Variants in CASK observed in about 807,000 individuals in gnomAD.
CASK encodes the protein peripheral plasma membrane protein CASK.
A neutral mutation model predicts 82.9 loss-of-function variants in CASK; 4 were observed. That is an observed-to-expected ratio of 0.05 (90% CI 0.02 to 0.11). The LOEUF (loss-of-function observed/expected upper bound fraction) is 0.11. Ranked by LOEUF, CASK falls within the 10% of genes least tolerant of loss-of-function variation. The pLI, the probability that CASK is intolerant of heterozygous loss-of-function variation, is 1.00. For missense variants in CASK, 358 were observed against 720.9 expected (o/e 0.50, Z 5.76); for synonymous variants, 259 against 253.5 (o/e 1.02, Z -0.20).
intron 2 of CASK, among the ~76,000 whole-genome samples, chrX:41,836,055 G>C (rs1014059429): frequency 9.0e-6 from 1 of 111,116 alleles, no homozygotes; most frequent in Non-Finnish European, 1.9e-5. Flanking sequence ...AAAACCATTA[G>C]GAAAAACAGC....
At position 41,523,741 on chromosome X, in the gene CASK, G is replaced by A. The variant is rs755946752; in HGVS notation, c.2604+210C>T. The stretch of plus-strand genomic sequence containing the variant: ...GCCCTGGAGGTTGTGAGACACCTGG[G>A]ATGCCTCGGTCCTGGTGGGAGTGAG... On this transcript the variant is annotated intron_variant, in intron 26 of 26. Transcript: ENST00000378163. Among the ~76,000 whole-genome samples the A allele has an allele frequency of 4.3e-3, 482 of 112,239 alleles. 3 individuals carry two copies. The highest frequency in any genetic ancestry group is 0.015 in the African/African-American group (462 of 30,871).
intron 3 of CASK, among the ~76,000 whole-genome samples, chrX:41,760,072 T>C (rs1169231564): frequency 2.7e-5 from 3 of 112,064 alleles, no homozygotes; most frequent in Non-Finnish European, 5.6e-5. Context: ...TAAGACGACC[T>C]CTGGATTTGT....
At chrX:41,737,000 T>A (rs1182128534) in intron 5 of CASK, among the ~76,000 whole-genome samples, 1 of 112,412 alleles carries the variant, frequency 8.9e-6, no homozygotes, top group African/African-American at 3.2e-5. Flanking sequence ...AAAATATGAA[T>A]CTATGTTTCT....
At chrX:41,662,802 C>A (rs2067057450) in intron 7 of CASK, among the ~76,000 whole-genome samples, 1 of 110,152 alleles carries the variant, frequency 9.1e-6, no homozygotes, top group African/African-American at 3.3e-5. Flanking sequence ...CAAAAAAGAA[C>A]CACCAAGGTG....
intron 3 of CASK, among the ~76,000 whole-genome samples, chrX:41,772,417 G>C (rs1277301238): frequency 9.3e-6 from 1 of 107,124 alleles, no homozygotes; most frequent in African/African-American, 3.4e-5. Flanking sequence ...AATAAAACTG[G>C]TAAATGTCTG....
chrX:41,582,507 G>A (rs2065595601), intron 14 of CASK, among the ~76,000 whole-genome samples: 1 of 110,506 alleles, frequency 9.0e-6, no homozygotes, highest in Non-Finnish European at 1.9e-5. Flanking sequence ...GTAGAGACAG[G>A]TTTCACCATG....
intron 2 of CASK, among the ~76,000 whole-genome samples, chrX:41,800,707 G>A (rs2069977636): frequency 9.4e-6 from 1 of 106,124 alleles, no homozygotes; most frequent in Non-Finnish European, 1.9e-5. Context: ...CTGTGTCCAT[G>A]TGTTCTCACT....
Position 41,692,038 on chromosome X carries a change from C to T in CASK, c.430-20508G>A, listed in dbSNP as rs367866703. Among the ~76,000 whole-genome samples, 12 of 110,753 alleles carry T rather than the reference C, an allele frequency of 1.1e-4. No individual in the cohort carries two copies. The East Asian group carries it at 2.3e-3, about 21-fold the overall frequency. On this transcript the variant is annotated intron_variant, in intron 5 of 26. Coordinates refer to ENST00000378163, the MANE Select transcript of CASK (RefSeq NM_001367721.1). ...TCTCCCAAAGTGTTGGGATTACAGG[C>T]GTGAGCCACTGTACCTGGCCAACCT...
intron 5 of CASK, among the ~76,000 whole-genome samples, chrX:41,686,839 T>C (rs912199131): frequency 3.6e-5 from 4 of 112,223 alleles, no homozygotes; most frequent in Admixed American, 9.5e-5. Context: ...AACAAGCGTA[T>C]ACATTTGTTC....
At chrX:41,849,933 C>T (rs1468842839) in intron 2 of CASK, among the ~76,000 whole-genome samples, 3 of 112,174 alleles carry the variant, frequency 2.7e-5, no homozygotes, top group East Asian at 2.8e-4. Context: ...AATCCCAACA[C>T]TTTGGGAGGC....
chrX:41,907,574 CTT>C (rs2072489309), intron 1 of CASK, among the ~76,000 whole-genome samples: 1 of 111,779 alleles, frequency 8.9e-6, no homozygotes, highest in Non-Finnish European at 1.9e-5. Context: ...GGAAGGCTAA[CTT>C]TTAAAACTCT....
intron 3 of CASK, among the ~76,000 whole-genome samples, chrX:41,752,094 A>G (rs1471647550): frequency 9.2e-6 from 1 of 108,990 alleles, no homozygotes; most frequent in African/African-American, 3.3e-5. Context: ...AAAAACCTCA[A>G]TGCTTACTAT....
At chrX:41,566,875 C>T (rs1467552491) in intron 16 of CASK, among the ~76,000 whole-genome samples, 5 of 111,450 alleles carry the variant, frequency 4.5e-5, no homozygotes, top group Admixed American at 9.5e-5. Flanking sequence ...GCATGGTACT[C>T]GTACCAAAAC....
chrX:41,919,029 T>G (rs751530065), intron 1 of CASK, among the ~76,000 whole-genome samples: 1 of 112,157 alleles, frequency 8.9e-6, no homozygotes, highest in South Asian at 3.7e-4. Flanking sequence ...CGGACAATAA[T>G]TGCTCTGAGG....
At chrX:41,787,665 C>G (rs2069639207) in intron 2 of CASK, among the ~76,000 whole-genome samples, 1 of 109,650 alleles carries the variant, frequency 9.1e-6, no homozygotes, top group Non-Finnish European at 1.9e-5. Context: ...ACTCAATTTA[C>G]TGTTTTGATT....
intron 3 of CASK, among the ~76,000 whole-genome samples, chrX:41,765,318 T>A (rs1602588351): frequency 1.8e-5 from 2 of 112,422 alleles, no homozygotes; most frequent in African/African-American, 6.5e-5. Context: ...CAGAGATTAG[T>A]CCTTTAAATC....
At position 41,612,389 on chromosome X, in the gene CASK, G is replaced by A. The variant is rs1417212722; in HGVS notation, c.1034-2364C>T. Reference sequence around the variant, plus strand: ...TGAGGAGACCCTCCGCCCGGCAACCGCCCCGTCTGAGAAGTGAGGAGCCCC... The same window carrying A: ...TGAGGAGACCCTCCGCCCGGCAACCACCCCGTCTGAGAAGTGAGGAGCCCC... On this transcript the variant is annotated intron_variant, in intron 11 of 26. Transcript: ENST00000378163. Among the ~76,000 whole-genome samples, 4 of 93,043 alleles carry A rather than the reference G, an allele frequency of 4.3e-5. No homozygotes were observed. The East Asian group carries it at 1.5e-3, about 35-fold the overall frequency. 80.8% of individuals were successfully genotyped at this position (93,043 alleles called of 115,157 possible).
At chrX:41,719,489 T>C (rs2068124056) in intron 5 of CASK, among the ~76,000 whole-genome samples, 1 of 112,282 alleles carries the variant, frequency 8.9e-6, no homozygotes, top group South Asian at 3.7e-4. Flanking sequence ...CATTAGTCTT[T>C]TCTTAAAAGC....
At chrX:41,554,067 T>C (rs932375443) in intron 20 of CASK, 152 bp from the exon 21 acceptor site, 2 of 495,487 alleles carry the variant, frequency 4.0e-6, no homozygotes, top group African/African-American at 4.7e-5. Flanking sequence ...CACAAAAAAC[T>C]TCTACCGCTA....
Sources: gnomAD v4.1 joint callset for allele counts (sites outside exome capture counted in the v4.1 genomes callset) on GRCh38, gnomAD v4.1.1 for gene constraint, MANE v1.5 for transcripts, NCBI Gene and HGNC (gene_info 2026-07-23, HGNC 2026-07-21) for gene names.